Variants in CD180 observed in about 807,000 individuals in gnomAD.
CD180 encodes CD180 molecule, also known as CD180 antigen.
In CD180, 11 loss-of-function variants were observed where a neutral mutation model predicts 10.7. The observed-to-expected ratio is 1.03, with a 90% confidence interval of 0.65 to 1.70. The LOEUF (loss-of-function observed/expected upper bound fraction) is 1.70, where lower values mean the gene tolerates loss of function less well. CD180 is among the 40% of genes most tolerant of loss of function. The probability of loss-of-function intolerance (pLI) is 0.00; values close to 1 mark genes in which losing one functional copy is unlikely to be tolerated. For synonymous variants in CD180, 286 were observed against 294.6 expected (o/e 0.97, Z 0.30); for missense variants, 729 against 775.2 (o/e 0.94, Z 0.71).
At chr5:67,188,098 A>C (rs1742234491) in intron 1 of CD180, among the ~76,000 whole-genome samples, 1 of 151,656 alleles carries the variant, frequency 6.6e-6, no homozygotes, top group South Asian at 2.1e-4. Flanking sequence ...TGAACCAGGG[A>C]CTCAGAGGTT....
chr5:67,195,446 G>C (rs1169954798), intron 1 of CD180, among the ~76,000 whole-genome samples: 1 of 152,196 alleles, frequency 6.6e-6, no homozygotes, highest in Non-Finnish European at 1.5e-5. Flanking sequence ...CGAACTCCCA[G>C]TCTCAAGGCA....
At position 67,182,898 on chromosome 5, in the gene CD180, C is replaced by T; in HGVS notation, c.1945G>A (p.Ala649Thr). The T allele has an allele frequency of 6.2e-7, 1 of 1,612,090 alleles. No individual in the cohort carries two copies. Among genetic ancestry groups the T allele is most frequent in the South Asian group, 1.1e-5 (1 of 90,726 alleles). The change falls in exon 3 of 3, where the codon GCA (alanine) becomes ACA (threonine). Residue 649 changes from alanine (A) to threonine (T), a missense_variant. Transcript: ENST00000256447. ...LLLLAILLFF[A>T]VKYLLRWKYQ... ...TTCCACCTGAGAAGGTATTTAACTG[C>T]AAAAAATAGCAGAATAGCCAACAAT... is the stretch of plus-strand genomic sequence containing the variant.
At chr5:67,192,777 C>A (rs985359399) in intron 1 of CD180, among the ~76,000 whole-genome samples, 9 of 152,164 alleles carry the variant, frequency 5.9e-5, no homozygotes, top group African/African-American at 1.9e-4. Context: ...CAGATCCAAA[C>A]TATATCAGAT....
At chr5:67,186,873 T>TGTGTGTGTGTGTGTGTGTGA (rs772303459) in intron 1 of CD180, among the ~76,000 whole-genome samples, 6 of 139,806 alleles carry the variant, frequency 4.3e-5, no homozygotes, top group African/African-American at 1.7e-4. Flanking sequence ...TGTGTGTGTG[T>TGTGTGTGTGTGTGTGTGTGA]GAAAGAGAGA....
rs1581832695 is a variant in CD180 at position 67,196,646 on chromosome 5, G to A, written c.-5C>T. The A allele has an allele frequency of 6.2e-7, 1 of 1,613,866 alleles. No individual in the cohort carries two copies. Among genetic ancestry groups the A allele is most frequent in the East Asian group, 2.2e-5 (1 of 44,874 alleles). ...GCAGCTGACGTCAAACGCCATCACA[G>A]GCTAGGATTGCTTGGTGGGTTTACC... On this transcript the variant is annotated 5_prime_UTR_variant, in exon 1 of 3. Transcript: ENST00000256447.
chr5:67,184,156 A>G lies in CD180; in HGVS notation c.687T>C (p.Phe229=), dbSNP rs780552280. 2.8e-5 allele frequency: 46 copies of G among 1,614,068 alleles called. 2 individuals carry two copies. The South Asian group carries it at 5.1e-4, about 18-fold the overall frequency. ...FDSTIFQSLN[F]GGTPNLSVIF... ...TAACAGACAAATTTGGAGTTCCTCCAAAGTTCAAACTTTGGAAGATCGTTG... is the reference window on the plus strand; with the variant it reads ...TAACAGACAAATTTGGAGTTCCTCCGAAGTTCAAACTTTGGAAGATCGTTG... Residue 229 remains phenylalanine, a synonymous_variant, in exon 3 of 3, where the codon TTT becomes TTC. Coordinates refer to ENST00000256447, the MANE Select transcript of CD180 (RefSeq NM_005582.3).
intron 1 of CD180, among the ~76,000 whole-genome samples, chr5:67,189,680 G>C (rs1423970380): frequency 2.0e-5 from 3 of 152,142 alleles, no homozygotes; most frequent in Non-Finnish European, 4.4e-5. Flanking sequence ...CACGATGATA[G>C]AGGCACCAAA....
intron 1 of CD180, among the ~76,000 whole-genome samples, chr5:67,192,365 C>T (rs552594325): frequency 8.2e-4 from 124 of 151,452 alleles, no homozygotes; most frequent in Middle Eastern, 3.4e-3. Flanking sequence ...CGAGCCTGGG[C>T]GACAGAGTGA....
intron 2 of CD180, among the ~76,000 whole-genome samples, chr5:67,185,062 TCA>T (rs57251966): frequency 0.023 from 3,264 of 144,530 alleles, 35 homozygotes; most frequent in South Asian, 0.05. Flanking sequence ...AAATACTGGA[TCA>T]CACACACACA....
At chr5:67,193,934 AGGTG>A (rs1742353467) in intron 1 of CD180, among the ~76,000 whole-genome samples, 5 of 152,224 alleles carry the variant, frequency 3.3e-5, no homozygotes, top group Admixed American at 3.3e-4. Context: ...TGTCTCCTGG[AGGTG>A]ATAACCTATG....
chr5:67,184,600 C>A lies in CD180; in HGVS notation c.258-15G>T. 1 of 1,557,664 alleles carries A rather than the reference C, an allele frequency of 6.4e-7. No homozygotes were observed. On this transcript the variant is annotated splice_polypyrimidine_tract_variant and intron_variant, in intron 2 of 2. Coordinates refer to ENST00000256447, the MANE Select transcript of CD180 (RefSeq NM_005582.3). ...TAATCTGGCACCTTGAAAAGATAAT[C>A]GTATTTAACAATAATTCATTTGAAA...
Position 67,196,673 on chromosome 5 carries a change from A to G in CD180, c.-32T>C, listed in dbSNP as rs1742412028. 1 of 1,613,632 alleles carries G rather than the reference A, an allele frequency of 6.2e-7. No homozygotes were observed. Among genetic ancestry groups the G allele is most frequent in the Non-Finnish European group, 8.5e-7 (1 of 1,179,790 alleles). On this transcript the variant is annotated 5_prime_UTR_variant, in exon 1 of 3. Transcript: ENST00000256447. ...CTAGGATTGCTTGGTGGGTTTACCT[A>G]ATGCTTGGAGCTGAGAAATGGAATC...
intron 1 of CD180, chr5:67,191,047 A>G (rs1742295250): frequency 1.0e-6 from 1 of 985,416 alleles, no homozygotes; most frequent in Non-Finnish European, 1.2e-6. Flanking sequence ...TCCATCCAAG[A>G]TAGAGCAAGT....
At position 67,183,949 on chromosome 5, in the gene CD180, G is replaced by A. The variant is rs1358570101; in HGVS notation, c.894C>T (p.Thr298=). ...CTGTCAGATCCAATTCTTGGAGTTGGGTGAAGCACTGAAATGTGGTGGATG... is the reference window on the plus strand; with the variant it reads ...CTGTCAGATCCAATTCTTGGAGTTGAGTGAAGCACTGAAATGTGGTGGATG... The part of the protein sequence containing the change: ...DISSTTFQCF[T]QLQELDLTAT... The change falls in exon 3 of 3, where the codon ACC becomes ACT. Residue 298 remains threonine, a synonymous_variant. Coordinates refer to ENST00000256447, the MANE Select transcript of CD180 (RefSeq NM_005582.3). The A allele has an allele frequency of 1.9e-6, 3 of 1,614,044 alleles. No individual in the cohort carries two copies. The African/African-American group carries it at 4.0e-5, about 22-fold the overall frequency.
chr5:67,192,202 G>A (rs5744482), intron 1 of CD180, among the ~76,000 whole-genome samples: 11,935 of 152,036 alleles, frequency 0.079, 586 homozygotes, highest in South Asian at 0.16. Context: ...CATCCTGGCT[G>A]ACAAGGTGAA....
Sources: allele counts gnomAD v4.1 joint callset (sites outside exome capture counted in the v4.1 genomes callset), GRCh38; gene constraint gnomAD v4.1.1; transcripts MANE v1.5; gene names NCBI Gene and HGNC (gene_info 2026-07-23, HGNC 2026-07-21).